The following QNG1 variants were observed in gnomAD, a reference collection of about 807,000 sequenced individuals.
The protein encoded by QNG1 is Q-nucleotide N-glycosylase 1.
chr9:83,951,010 G>A, the QNG1 span, among the ~76,000 whole-genome samples: 1 of 152,162 alleles, frequency 6.6e-6, no homozygotes, highest in East Asian at 1.9e-4. Flanking sequence ...GCTCATGCCT[G>A]TAATCCCAGC....
At chr9:83,948,500 G>A in the QNG1 span, among the ~76,000 whole-genome samples, 98 of 135,584 alleles carry the variant, frequency 7.2e-4, no homozygotes, top group African/African-American at 2.4e-3. Flanking sequence ...CCCGGCCACC[G>A]CCCTGTCCGG....
chr9:83,954,989 G>T, the QNG1 span, among the ~76,000 whole-genome samples: 1 of 151,454 alleles, frequency 6.6e-6, no homozygotes, highest in Non-Finnish European at 1.5e-5. Context: ...CCTGAGGTCG[G>T]GAGTTTGAGA....
chr9:83,943,779 T>C, the QNG1 span, among the ~76,000 whole-genome samples: 2 of 152,154 alleles, frequency 1.3e-5, no homozygotes, highest in South Asian at 4.1e-4. Context: ...CCCAGCACTT[T>C]GGGAGGCCGA....
chr9:83,955,542 C>T, the QNG1 span: 4 of 1,614,184 alleles, frequency 2.5e-6, no homozygotes, highest in African/African-American at 5.3e-5. Context: ...TGCCTCTCTT[C>T]TACTAAAGGC....
chr9:83,942,869 G>A, the QNG1 span, among the ~76,000 whole-genome samples: 8 of 152,334 alleles, frequency 5.3e-5, no homozygotes, highest in Admixed American at 5.2e-4. Flanking sequence ...AGTTGAAATG[G>A]ATGGGAGAAG....
the QNG1 span, chr9:83,944,979 A>T: frequency 6.2e-7 from 1 of 1,600,920 alleles, no homozygotes; most frequent in Non-Finnish European, 8.5e-7. Flanking sequence ...GTAAAAAGAA[A>T]CTCTTTTCCC....
chr9:83,952,711 C>T, the QNG1 span, among the ~76,000 whole-genome samples: 4 of 149,826 alleles, frequency 2.7e-5, no homozygotes, highest in African/African-American at 7.4e-5. Context: ...AGGAGAATGG[C>T]GTCAACCCAG....
At chr9:83,956,268 A>C in the QNG1 span, 4 of 1,614,070 alleles carry the variant, frequency 2.5e-6, no homozygotes, top group East Asian at 2.2e-5. Flanking sequence ...CTCCGACCAA[A>C]AGGAGAAGTT....
chr9:83,946,143 A>G, the QNG1 span, among the ~76,000 whole-genome samples: 1 of 151,830 alleles, frequency 6.6e-6, no homozygotes, highest in East Asian at 2.0e-4. Context: ...CGTCTGTACT[A>G]AAAATACAAA....
At chr9:83,946,252 C>G in the QNG1 span, among the ~76,000 whole-genome samples, 2 of 151,866 alleles carry the variant, frequency 1.3e-5, no homozygotes, top group African/African-American at 4.8e-5. Context: ...TTGCAGTGAG[C>G]CGAGATCGCA....
chr9:83,939,537 G>A, the QNG1 span: 1 of 1,613,310 alleles, frequency 6.2e-7, no homozygotes, highest in Non-Finnish European at 8.5e-7. Context: ...CGTATGCGAT[G>A]AAACGGAATT....
chr9:83,954,526 G>A, the QNG1 span, among the ~76,000 whole-genome samples: 3 of 151,914 alleles, frequency 2.0e-5, no homozygotes, highest in East Asian at 5.9e-4. Context: ...AGGTTGCAGT[G>A]AGCTGAGATA....
At chr9:83,947,578 G>A in the QNG1 span, among the ~76,000 whole-genome samples, 7 of 152,336 alleles carry the variant, frequency 4.6e-5, no homozygotes, top group African/African-American at 1.2e-4. Flanking sequence ...AGGCTGGACC[G>A]TACTGCCGCC....
At chr9:83,946,641 A>G in the QNG1 span, among the ~76,000 whole-genome samples, 4 of 152,298 alleles carry the variant, frequency 2.6e-5, no homozygotes, top group East Asian at 7.7e-4. Context: ...AATCCCATCA[A>G]TTTGGGAGGC....
chr9:83,955,170 G>C, the QNG1 span, among the ~76,000 whole-genome samples: 1 of 152,202 alleles, frequency 6.6e-6, no homozygotes, highest in Non-Finnish European at 1.5e-5. Context: ...CTGCACTCCA[G>C]CCTGCGCAAC....
the QNG1 span, among the ~76,000 whole-genome samples, chr9:83,955,211 CAAAAG>C: frequency 2.4e-4 from 37 of 152,110 alleles, no homozygotes; most frequent in Non-Finnish European, 3.8e-4. Context: ...AACAAACAAA[CAAAAG>C]AAAACATAAG....
chr9:83,947,803 G>C, the QNG1 span, among the ~76,000 whole-genome samples: 3 of 152,212 alleles, frequency 2.0e-5, no homozygotes, highest in South Asian at 6.2e-4. Context: ...ACAGAGGCTC[G>C]CTCACTCAGT....
At chr9:83,951,476 A>T in the QNG1 span, among the ~76,000 whole-genome samples, 1 of 151,586 alleles carries the variant, frequency 6.6e-6, no homozygotes, top group East Asian at 1.9e-4. Flanking sequence ...CAGGAGAATC[A>T]CTAGAACCCG....
At chr9:83,938,602 T>C in the QNG1 span, 2 of 152,032 alleles carry the variant, frequency 1.3e-5, no homozygotes, top group Non-Finnish European at 2.9e-5. Context: ...TAAGGCATGA[T>C]TAGTTTTGGG....
Sources: gnomAD v4.1 joint callset for allele counts (sites outside exome capture counted in the v4.1 genomes callset) on GRCh38, gnomAD v4.1.1 for gene constraint, MANE v1.5 for transcripts, NCBI Gene and HGNC (gene_info 2026-07-23, HGNC 2026-07-21) for gene names.